IFT88: variants seen among roughly 807,000 people sequenced by gnomAD.
The protein encoded by IFT88 is intraflagellar transport protein 88 homolog.
Under a neutral mutation model 119.5 loss-of-function variants are expected in IFT88, and 74 were observed. The ratio of observed to expected loss-of-function variants is 0.62; its 90% confidence interval spans 0.51 to 0.75. IFT88 has a LOEUF of 0.75. Among genes scored for constraint, IFT88 ranks in the 30% least tolerant of loss-of-function variants. The pLI is 0.00. For synonymous variants in IFT88, 279 were observed against 316.7 expected (o/e 0.88, Z 1.26); for missense variants, 961 against 977.7 (o/e 0.98, Z 0.23).
intron 13 of IFT88, among the ~76,000 whole-genome samples, chr13:20,611,862 T>C (rs1319520400): frequency 1.3e-5 from 2 of 152,100 alleles, no homozygotes; most frequent in Non-Finnish European, 2.9e-5. Context: ...CACCTTGGCC[T>C]CCCAAATTGC....
At chr13:20,576,717 C>T (rs894664867) in intron 2 of IFT88, among the ~76,000 whole-genome samples, 2 of 152,092 alleles carry the variant, frequency 1.3e-5, no homozygotes, top group Admixed American at 1.3e-4. Context: ...TATTCTGTTC[C>T]ATTAGTCTGT....
intron 24 of IFT88, among the ~76,000 whole-genome samples, chr13:20,674,363 G>T (rs2056346217): frequency 6.6e-6 from 1 of 152,178 alleles, no homozygotes; most frequent in South Asian, 2.1e-4. Flanking sequence ...TGCTTCTCAT[G>T]TGTAGCTGTC....
intron 14 of IFT88, 29 bp downstream of exon 14, chr13:20,615,908 A>G (rs751932717): frequency 1.6e-6 from 2 of 1,283,938 alleles, no homozygotes; most frequent in East Asian, 5.0e-5. Context: ...AATACTGCAT[A>G]GATGTGGTTT....
intron 24 of IFT88, among the ~76,000 whole-genome samples, chr13:20,685,336 C>T (rs1483335620): frequency 6.6e-6 from 1 of 152,200 alleles, no homozygotes; most frequent in Admixed American, 6.5e-5. Flanking sequence ...GAGCATGCCA[C>T]ATTGCTGCAG....
chr13:20,659,521 G>T (rs1240062330), intron 22 of IFT88, among the ~76,000 whole-genome samples: 2 of 151,762 alleles, frequency 1.3e-5, no homozygotes, highest in Non-Finnish European at 2.9e-5. Flanking sequence ...ATCTTTATTT[G>T]CAGAAAGTAC....
At chr13:20,622,503 G>A (rs1450561064) in intron 14 of IFT88, among the ~76,000 whole-genome samples, 2 of 152,204 alleles carry the variant, frequency 1.3e-5, no homozygotes, top group Non-Finnish European at 1.5e-5. Flanking sequence ...TAATGTCAGT[G>A]TTTCAATTTT....
At chr13:20,629,015 T>G (rs1259548828) in intron 15 of IFT88, among the ~76,000 whole-genome samples, 2 of 152,100 alleles carry the variant, frequency 1.3e-5, no homozygotes, top group Admixed American at 6.6e-5. Flanking sequence ...AAAAAAAAAT[T>G]GTTGTTATTG....
At chr13:20,598,465 G>C (rs3002166) in intron 9 of IFT88, among the ~76,000 whole-genome samples, 186 bp from the exon 10 acceptor site, 152,277 of 152,278 alleles carry the variant, frequency 1, 76,138 homozygotes, top group Middle Eastern at 1. Context: ...TAGAGGACAG[G>C]TCTTCTTTTC....
intron 3 of IFT88, among the ~76,000 whole-genome samples, chr13:20,587,941 C>T (rs1227042000): frequency 1.4e-5 from 2 of 147,996 alleles, no homozygotes; most frequent in East Asian, 2.0e-4. Context: ...GTATTTATTC[C>T]ACTTACATTT....
At chr13:20,613,011 C>A (rs1344467108) in intron 13 of IFT88, among the ~76,000 whole-genome samples, 1 of 152,092 alleles carries the variant, frequency 6.6e-6, no homozygotes, top group South Asian at 2.1e-4. Context: ...AGAGAAATAT[C>A]ATTGACTGTC....
At chr13:20,569,987 G>T (rs536584065) in intron 1 of IFT88, among the ~76,000 whole-genome samples, 1 of 151,200 alleles carries the variant, frequency 6.6e-6, no homozygotes, top group East Asian at 2.0e-4. Context: ...GGAGCTTGCA[G>T]TGAGCCGCGC....
intron 14 of IFT88, among the ~76,000 whole-genome samples, chr13:20,616,277 A>G (rs2045595215): frequency 6.6e-6 from 1 of 152,202 alleles, no homozygotes; most frequent in Non-Finnish European, 1.5e-5. Context: ...ATAAAAGTGT[A>G]CAGTAATATC....
intron 18 of IFT88, chr13:20,641,622 T>G: frequency 2.8e-6 from 1 of 354,968 alleles, no homozygotes; most frequent in Non-Finnish European, 5.1e-6. Context: ...AAACTATTAT[T>G]TATTAAATTT....
chr13:20,587,762 T>C (rs1459133562), intron 3 of IFT88, among the ~76,000 whole-genome samples: 2 of 152,198 alleles, frequency 1.3e-5, no homozygotes, highest in Non-Finnish European at 2.9e-5. Flanking sequence ...GATATTAATA[T>C]GTTGTTATAG....
At chr13:20,598,792 C>T in intron 10 of IFT88, 39 bp downstream of exon 10, 1 of 1,171,914 alleles carries the variant, frequency 8.5e-7, no homozygotes, top group East Asian at 2.3e-5. Flanking sequence ...AGATGTAATT[C>T]TTTCGTAGTG....
At chr13:20,674,360 C>T (rs2056345051) in intron 24 of IFT88, among the ~76,000 whole-genome samples, 1 of 152,188 alleles carries the variant, frequency 6.6e-6, no homozygotes. Context: ...ATCTGCTTCT[C>T]ATGTGTAGCT....
chr13:20,688,887 C>T (rs1020714531), intron 24 of IFT88, among the ~76,000 whole-genome samples: 2 of 152,070 alleles, frequency 1.3e-5, no homozygotes, highest in Admixed American at 6.6e-5. Flanking sequence ...CCACTCTGCC[C>T]AGCCAAGTTT....
At chr13:20,648,826 A>G (rs1364324269) in intron 20 of IFT88, among the ~76,000 whole-genome samples, 3 of 152,208 alleles carry the variant, frequency 2.0e-5, no homozygotes, top group African/African-American at 7.2e-5. Flanking sequence ...AAAAGGATTG[A>G]AAAAGATATT....
At chr13:20,627,520 A>T (rs370112367) in intron 15 of IFT88, among the ~76,000 whole-genome samples, 52 of 152,218 alleles carry the variant, frequency 3.4e-4, no homozygotes, top group African/African-American at 1.2e-3. Context: ...ACCTGAGGTC[A>T]AGAGTTTTGA....
Sources: allele counts gnomAD v4.1 joint callset (sites outside exome capture counted in the v4.1 genomes callset), GRCh38; gene constraint gnomAD v4.1.1; transcripts MANE v1.5; gene names NCBI Gene and HGNC (gene_info 2026-07-23, HGNC 2026-07-21).